Variants in KCNH5 observed in about 807,000 individuals in gnomAD.
KCNH5 encodes voltage-gated delayed rectifier potassium channel KCNH5.
Under a neutral mutation model 96.1 loss-of-function variants are expected in KCNH5, and 46 were observed. The ratio of observed to expected loss-of-function variants is 0.48; its 90% CI spans 0.38 to 0.61. The LOEUF is 0.61. KCNH5 is among the 20% of genes least tolerant of loss of function. The pLI is 0.00. For synonymous variants in KCNH5, 439 were observed against 449.8 expected (o/e 0.98, Z 0.30); for missense variants, 907 against 1,225.8 (o/e 0.74, Z 3.88).
At chr14:62,909,142 T>C in intron 7 of KCNH5, among the ~76,000 whole-genome samples, 1 of 139,982 alleles carries the variant, frequency 7.1e-6, no homozygotes, top group Non-Finnish European at 1.5e-5. Context: ...GCCTCCCGGG[T>C]TCACGCCATT....
In KCNH5 at chr14:62,872,624, C is replaced by T. The variant is rs930670561; in HGVS notation, c.1370-22772G>A. Among the ~76,000 whole-genome samples the T allele has an allele frequency of 4.6e-5, 7 of 152,046 alleles. No individual in the cohort carries two copies. The East Asian group carries it at 5.8e-4, about 13-fold the overall frequency. On this transcript the variant is annotated intron_variant, in intron 7 of 10. Coordinates refer to ENST00000322893, the MANE Select transcript of KCNH5 (RefSeq NM_139318.5). Reference sequence around the variant, plus strand: ...AGGAGAACCGCTTGAATCTGGGAGGCGGAGGTTGCAGTGAGCAGATACCAT... The same window carrying T: ...AGGAGAACCGCTTGAATCTGGGAGGTGGAGGTTGCAGTGAGCAGATACCAT...
chr14:62,876,327 CTATTA>C (rs1157534679), intron 7 of KCNH5, among the ~76,000 whole-genome samples: 1 of 152,300 alleles, frequency 6.6e-6, no homozygotes, highest in Non-Finnish European at 1.5e-5. Flanking sequence ...CTCACCACTT[CTATTA>C]TATATTTTGT....
chr14:62,959,957 T>C (rs1200899707), intron 6 of KCNH5, among the ~76,000 whole-genome samples: 1 of 152,186 alleles, frequency 6.6e-6, no homozygotes, highest in East Asian at 1.9e-4. Context: ...AAATCACTGC[T>C]AGTTTAAAAT....
chr14:62,970,122 T>A (rs1594651974), intron 6 of KCNH5, among the ~76,000 whole-genome samples: 2 of 125,278 alleles, frequency 1.6e-5, no homozygotes, highest in African/African-American at 6.1e-5. Flanking sequence ...AGAGAGAAGA[T>A]ACAAATTACT....
chr14:62,890,253 C>T (rs1595672130), intron 7 of KCNH5, among the ~76,000 whole-genome samples: 1 of 152,180 alleles, frequency 6.6e-6, no homozygotes, highest in Admixed American at 6.5e-5. Flanking sequence ...AACTAAAGAG[C>T]TTCTGCACAG....
chr14:63,042,351 T>A (rs1474552101), intron 1 of KCNH5, among the ~76,000 whole-genome samples: 3 of 152,014 alleles, frequency 2.0e-5, no homozygotes, highest in African/African-American at 7.2e-5. Flanking sequence ...ACCAGCTGAG[T>A]GTTTACCTAT....
intron 6 of KCNH5, among the ~76,000 whole-genome samples, chr14:62,970,343 T>A (rs1890383447): frequency 6.6e-6 from 1 of 152,102 alleles, no homozygotes; most frequent in South Asian, 2.1e-4. Flanking sequence ...CATCAATAAT[T>A]AATAACCTTC....
intron 7 of KCNH5, among the ~76,000 whole-genome samples, chr14:62,869,630 T>C (rs1005578207): frequency 6.6e-6 from 1 of 152,186 alleles, no homozygotes; most frequent in African/African-American, 2.4e-5. Context: ...TGGTATTGCC[T>C]AGGTTTTCTT....
intron 7 of KCNH5, among the ~76,000 whole-genome samples, chr14:62,865,066 C>T (rs1888107841): frequency 6.6e-6 from 1 of 152,092 alleles, no homozygotes; most frequent in Non-Finnish European, 1.5e-5. Context: ...AAAGGCCATG[C>T]CTACTTACAA....
intron 10 of KCNH5, among the ~76,000 whole-genome samples, chr14:62,722,929 T>C (rs1884846097): frequency 6.6e-6 from 1 of 152,216 alleles, no homozygotes; most frequent in Non-Finnish European, 1.5e-5. Flanking sequence ...TCCACTATTT[T>C]ATATCGACAC....
At chr14:62,805,628 C>T (rs1271495206) in intron 8 of KCNH5, among the ~76,000 whole-genome samples, 3 of 152,162 alleles carry the variant, frequency 2.0e-5, no homozygotes, top group African/African-American at 7.2e-5. Context: ...AATTATCATT[C>T]AAGACCTGGC....
At chr14:62,837,060 AG>A (rs1478923213) in intron 8 of KCNH5, among the ~76,000 whole-genome samples, 1 of 152,188 alleles carries the variant, frequency 6.6e-6, no homozygotes, top group East Asian at 1.9e-4. Context: ...ACAGGAACTC[AG>A]GAATATATAA....
At chr14:62,943,895 A>G (rs750188628) in intron 7 of KCNH5, among the ~76,000 whole-genome samples, 1 of 152,192 alleles carries the variant, frequency 6.6e-6, no homozygotes, top group Non-Finnish European at 1.5e-5. Flanking sequence ...AAATCTGAAC[A>G]GGAAGATTTC....
intron 4 of KCNH5, among the ~76,000 whole-genome samples, chr14:63,000,900 C>T (rs1016330303): frequency 2.0e-5 from 3 of 152,076 alleles, no homozygotes; most frequent in Non-Finnish European, 4.4e-5. Context: ...CATGGCGAAA[C>T]CCTGACTCTA....
At chr14:63,004,276 C>A (rs978543914) in intron 3 of KCNH5, among the ~76,000 whole-genome samples, 1 of 152,122 alleles carries the variant, frequency 6.6e-6, no homozygotes, top group African/African-American at 2.4e-5. Context: ...AATAGCAAAA[C>A]TCCATTATAA....
chr14:62,779,591 A>T (rs1886165596), intron 10 of KCNH5, 137 bp downstream of exon 10: 2 of 625,526 alleles, frequency 3.2e-6, no homozygotes, highest in Non-Finnish European at 2.6e-6. Context: ...AAATAAAGAG[A>T]AGGAAAATTA....
chr14:62,923,790 T>G (rs1889422388), intron 7 of KCNH5, among the ~76,000 whole-genome samples: 1 of 151,882 alleles, frequency 6.6e-6, no homozygotes, highest in African/African-American at 2.4e-5. Flanking sequence ...AATTGGGACT[T>G]CATCTCACAT....
At chr14:62,759,200 T>C (rs535566204) in intron 10 of KCNH5, among the ~76,000 whole-genome samples, 27 of 151,308 alleles carry the variant, frequency 1.8e-4, no homozygotes, top group South Asian at 1.7e-3. Flanking sequence ...TGGTAAGATA[T>C]TAAATCTATC....
At chr14:62,819,601 T>C (rs1409544408) in intron 8 of KCNH5, among the ~76,000 whole-genome samples, 1 of 152,206 alleles carries the variant, frequency 6.6e-6, no homozygotes, top group Non-Finnish European at 1.5e-5. Context: ...TTTTAAATAA[T>C]GAATTTTATA....
Sources: allele counts gnomAD v4.1 joint callset (sites outside exome capture counted in the v4.1 genomes callset), GRCh38; gene constraint gnomAD v4.1.1; transcripts MANE v1.5; gene names NCBI Gene and HGNC (gene_info 2026-07-23, HGNC 2026-07-21).